The following DSCAM variants were observed in gnomAD, a reference collection of about 807,000 sequenced individuals.
DSCAM encodes the protein cell adhesion molecule DSCAM.
DSCAM carries 47 observed loss-of-function variants against 217.7 expected under a neutral mutation model. The observed-to-expected ratio is 0.22, with a 90% CI of 0.17 to 0.28. The LOEUF (loss-of-function observed/expected upper bound fraction) is 0.28, where lower values mean the gene tolerates loss of function less well. DSCAM is among the 10% of genes least tolerant of loss of function. The pLI, the probability that DSCAM is intolerant of heterozygous loss-of-function variation, is 1.00. For missense variants in DSCAM, 2,080 were observed against 2,618.3 expected (o/e 0.79, Z 4.49); for synonymous variants, 1,056 against 1,015.3 (o/e 1.04, Z -0.76).
intron 16 of DSCAM, among the ~76,000 whole-genome samples, chr21:40,146,765 T>G (rs1204424976): frequency 1.3e-5 from 2 of 152,204 alleles, no homozygotes; most frequent in Admixed American, 6.5e-5. Flanking sequence ...CATACCTTTT[T>G]TATTATAAAC....
At chr21:40,145,374 G>A (rs957626014) in intron 16 of DSCAM, among the ~76,000 whole-genome samples, 1 of 152,124 alleles carries the variant, frequency 6.6e-6, no homozygotes, top group Non-Finnish European at 1.5e-5. Flanking sequence ...CACCCAATAG[G>A]AAGGTAATCT....
chr21:40,251,713 G>A (rs1325858642), intron 11 of DSCAM, among the ~76,000 whole-genome samples: 1 of 152,150 alleles, frequency 6.6e-6, no homozygotes, highest in Admixed American at 6.5e-5. Flanking sequence ...AGTGTAGGTA[G>A]GTCCTGTGAC....
chr21:40,029,403 C>T (rs2088474035), intron 32 of DSCAM, among the ~76,000 whole-genome samples: 1 of 151,034 alleles, frequency 6.6e-6, no homozygotes, highest in Non-Finnish European at 1.5e-5. Flanking sequence ...TCAGCCCCTT[C>T]CTTGGGGAAT....
chr21:40,038,235 A>T, intron 32 of DSCAM, among the ~76,000 whole-genome samples: 1 of 112,444 alleles, frequency 8.9e-6, no homozygotes, highest in Non-Finnish European at 1.8e-5. Flanking sequence ...CAGGCAACCT[A>T]CAAAATGGGA....
chr21:40,186,115 G>T (rs1795034353), intron 14 of DSCAM, among the ~76,000 whole-genome samples: 1 of 152,098 alleles, frequency 6.6e-6, no homozygotes, highest in Admixed American at 6.5e-5. Flanking sequence ...TTCAAATTCT[G>T]TTCTCCTGAA....
chr21:40,178,889 G>T, intron 15 of DSCAM, 38 bp downstream of exon 15: 3 of 1,611,288 alleles, frequency 1.9e-6, no homozygotes, highest in Non-Finnish European at 2.5e-6. Context: ...TTAGCTCCCG[G>T]GCTCCTCTGG....
intron 24 of DSCAM, among the ~76,000 whole-genome samples, chr21:40,082,962 C>G (rs919709181): frequency 1.3e-5 from 2 of 152,174 alleles, no homozygotes; most frequent in African/African-American, 4.8e-5. Context: ...TACTTCCCAG[C>G]CTTCTTTCTC....
In DSCAM at chr21:40,494,210, T is replaced by G. The variant is rs536504688; in HGVS notation, c.509-124965A>C. 2.0e-5 allele frequency among the ~76,000 whole-genome samples: 3 copies of G among 152,236 alleles called. No homozygotes were observed. In the South Asian group the frequency reaches 6.2e-4, roughly 32 times the overall value. On this transcript the variant is annotated intron_variant, in intron 3 of 32. Transcript: ENST00000400454. ...AGTCCTTACCTATTTACAATTACCT[T>G]GAATGTAAATGGATTAAATTTTACA...
At chr21:40,472,575 T>C (rs2075897798) in intron 3 of DSCAM, among the ~76,000 whole-genome samples, 1 of 152,260 alleles carries the variant, frequency 6.6e-6, no homozygotes, top group Non-Finnish European at 1.5e-5. Context: ...AATGTTATTT[T>C]GGATTTGTAA....
In DSCAM at chr21:40,055,740, T is replaced by A; in HGVS notation, c.5020A>T (p.Thr1674Ser). ...RAQLLIEERDTMETIDDRSTV... is the reference protein window; with the variant it reads ...RAQLLIEERDSMETIDDRSTV... ...GGCAGCTTACCAATGGTCTCCATCG[T>A]GTCTCTCTCTTCAATCAAAAGCTGA... Residue 1674 changes from threonine to serine, a missense_variant, in exon 29 of 33, where the codon ACG (threonine) becomes TCG (serine). Physicochemically the swap from Thr to Ser is moderately conservative, Grantham distance 58 (BLOSUM62 1). Transcript: ENST00000400454. The A allele has an allele frequency of 6.2e-7, 1 of 1,613,044 alleles. No individual in the cohort carries two copies. The highest frequency in any genetic ancestry group is 8.5e-7 in the Non-Finnish European group (1 of 1,179,038).
At chr21:40,288,995 A>G (rs570355186) in intron 10 of DSCAM, among the ~76,000 whole-genome samples, 1 of 152,116 alleles carries the variant, frequency 6.6e-6, no homozygotes, top group Non-Finnish European at 1.5e-5. Context: ...TACTTTATTT[A>G]TTTTACTAAA....
intron 3 of DSCAM, among the ~76,000 whole-genome samples, chr21:40,577,398 G>T (rs763017108): frequency 6.6e-6 from 1 of 151,440 alleles, no homozygotes; most frequent in Non-Finnish European, 1.5e-5. Context: ...TAGTCGATCC[G>T]CTCTCCTCCG....
At chr21:40,401,704 G>A (rs761984110) in intron 3 of DSCAM, among the ~76,000 whole-genome samples, 1 of 152,106 alleles carries the variant, frequency 6.6e-6, no homozygotes, top group Non-Finnish European at 1.5e-5. Context: ...TGTTACAAAG[G>A]ATATAAGGAG....
intron 1 of DSCAM, among the ~76,000 whole-genome samples, chr21:40,832,290 T>C (rs1396680235): frequency 6.6e-6 from 1 of 152,220 alleles, no homozygotes. Context: ...CTATTGTAGC[T>C]AATAAACATA....
chr21:40,575,954 C>G (rs117174201), intron 3 of DSCAM, among the ~76,000 whole-genome samples: 1 of 152,132 alleles, frequency 6.6e-6, no homozygotes, highest in African/African-American at 2.4e-5. Context: ...CTCATACACA[C>G]TATATTGGTT....
chr21:40,724,373 CAG>C (rs1162348654), intron 1 of DSCAM, among the ~76,000 whole-genome samples: 1 of 151,978 alleles, frequency 6.6e-6, no homozygotes, highest in South Asian at 2.1e-4. Context: ...AGAAAGAGTA[CAG>C]AGTTATGTAA....
At chr21:40,117,315 C>G (rs923127505) in intron 20 of DSCAM, among the ~76,000 whole-genome samples, 1 of 152,108 alleles carries the variant, frequency 6.6e-6, no homozygotes. Flanking sequence ...AACAATAACG[C>G]AAGAGATTGT....
intron 3 of DSCAM, among the ~76,000 whole-genome samples, chr21:40,426,464 G>A (rs1569117629): frequency 1.3e-5 from 2 of 152,256 alleles, no homozygotes; most frequent in East Asian, 1.9e-4. Flanking sequence ...ATACTACTAT[G>A]CATCTGTGAC....
intron 3 of DSCAM, among the ~76,000 whole-genome samples, chr21:40,440,327 A>G (rs1256002878): frequency 2.6e-5 from 4 of 152,340 alleles, no homozygotes; most frequent in Non-Finnish European, 5.9e-5. Context: ...TGAGCAACAC[A>G]GCCTCAGGGC....
Sources: gnomAD v4.1 joint callset for allele counts (sites outside exome capture counted in the v4.1 genomes callset) on GRCh38, gnomAD v4.1.1 for gene constraint, MANE v1.5 for transcripts, NCBI Gene and HGNC (gene_info 2026-07-23, HGNC 2026-07-21) for gene names.